Variants in HSD17B11 observed in about 807,000 individuals in gnomAD.
The protein encoded by HSD17B11 is estradiol 17-beta-dehydrogenase 11.
In HSD17B11, 22 loss-of-function variants were observed where a neutral mutation model predicts 27.8. That is an observed-to-expected ratio of 0.79 (90% CI 0.56 to 1.13). HSD17B11 has a LOEUF of 1.13. HSD17B11 is among the 50% of genes most tolerant of loss of function. The pLI is 0.00. For synonymous variants in HSD17B11, 117 were observed against 132.8 expected (o/e 0.88, Z 0.82); for missense variants, 314 against 351.1 (o/e 0.89, Z 0.84).
At chr4:87,378,603 G>A (rs1719968386) in intron 2 of HSD17B11, among the ~76,000 whole-genome samples, 1 of 150,448 alleles carries the variant, frequency 6.6e-6, no homozygotes, top group Non-Finnish European at 1.5e-5. Flanking sequence ...CTCACAGGCA[G>A]TGCAACCAGA....
Position 87,336,702 on chromosome 4 carries a change from G to A in HSD17B11, c.*574C>T, listed in dbSNP as rs1230235475. 5 of 152,844 alleles carry A rather than the reference G, an allele frequency of 3.3e-5. No individual in the cohort carries two copies. The highest frequency in any genetic ancestry group is 4.4e-5 in the Non-Finnish European group (3 of 68,316). 9.5% of individuals were successfully genotyped at this position (152,844 alleles called of 1,614,324 possible). A position where few individuals can be genotyped will look rare whatever the true frequency, so the allele number is the denominator to read the frequency against. On this transcript the variant is annotated 3_prime_UTR_variant, in exon 7 of 7. Transcript: ENST00000358290. ...AGTGATGCTTTTATACTTGCAACAC[G>A]TGTATCCACCTCTAGCTTCCCTGTG...
At chr4:87,388,672 T>C (rs1578049908) in intron 1 of HSD17B11, among the ~76,000 whole-genome samples, 1 of 152,252 alleles carries the variant, frequency 6.6e-6, no homozygotes, top group African/African-American at 2.4e-5. Context: ...CTAACAATTA[T>C]ACATTTTATT....
intron 4 of HSD17B11, among the ~76,000 whole-genome samples, chr4:87,361,553 G>C (rs949825735): frequency 6.6e-6 from 1 of 152,060 alleles, no homozygotes; most frequent in African/African-American, 2.4e-5. Context: ...GGATCACGAG[G>C]TCAGGAGATC....
rs1491588184 is a variant in HSD17B11 at position 87,370,752 on chromosome 4, A to ATT, written c.557+1955_557+1956dup. On this transcript the variant is annotated intron_variant, in intron 4 of 6. Transcript: ENST00000358290. ...TATTATTATTATTATTATTATTATT[A>ATT]TTATTTTTTTTTTTTTTTGAGACGG... Among the ~76,000 whole-genome samples the ATT allele has an allele frequency of 8.3e-4, 44 of 53,028 alleles. 3 individuals are homozygous for ATT. Among genetic ancestry groups the ATT allele is most frequent in the African/African-American group, 4.0e-3 (16 of 4,018 alleles). The allele number at this position is 53,028 out of a possible 152,430, so 34.8% of individuals were successfully genotyped here. A position where few individuals can be genotyped will look rare whatever the true frequency, so the allele number is the denominator to read the frequency against.
chr4:87,358,186 T>C (rs906987309), intron 4 of HSD17B11, among the ~76,000 whole-genome samples: 8 of 151,906 alleles, frequency 5.3e-5, no homozygotes, highest in Non-Finnish European at 1.2e-4. Flanking sequence ...TGGTCTCGAT[T>C]TCCTGACCTC....
At chr4:87,375,856 G>A (rs1735813106) in intron 2 of HSD17B11, among the ~76,000 whole-genome samples, 1 of 152,090 alleles carries the variant, frequency 6.6e-6, no homozygotes. Flanking sequence ...TTTATTTTCT[G>A]TTCTGTTGTT....
intron 5 of HSD17B11, among the ~76,000 whole-genome samples, chr4:87,344,618 TAGA>T (rs1264480134): frequency 6.6e-6 from 1 of 152,168 alleles, no homozygotes; most frequent in African/African-American, 2.4e-5. Context: ...CCAGCAGAAA[TAGA>T]AGACTTGAAT....
At position 87,361,741 on chromosome 4, in the gene HSD17B11, T is replaced by C. The variant is rs568514904; in HGVS notation, c.558-4325A>G. 2.9e-4 allele frequency among the ~76,000 whole-genome samples: 44 copies of C among 152,326 alleles called. 1 individual carries two copies. The highest frequency in any genetic ancestry group is 8.2e-4 in the African/African-American group (34 of 41,576). ...GAGATCGCGCCGCTGCACTCCATCA[T>C]GGGCAACAGAGCGAGACTCTGTCTC... On this transcript the variant is annotated intron_variant, in intron 4 of 6. Coordinates refer to ENST00000358290, the MANE Select transcript of HSD17B11 (RefSeq NM_016245.5).
chr4:87,354,633 T>A (rs1735346528), intron 5 of HSD17B11, among the ~76,000 whole-genome samples: 1 of 144,834 alleles, frequency 6.9e-6, no homozygotes, highest in Admixed American at 7.1e-5. Context: ...ACAGAGCGAA[T>A]CCTTGTCTCA....
intron 5 of HSD17B11, 49 bp from the exon 6 acceptor site, chr4:87,340,655 A>G (rs1184649377): frequency 7.7e-7 from 1 of 1,293,670 alleles, no homozygotes; most frequent in Non-Finnish European, 1.1e-6. Flanking sequence ...CCGAGGCTTC[A>G]GCTTTAGTTT....
chr4:87,337,512 T>C (rs1276423047), intron 6 of HSD17B11, 146 bp from the exon 7 acceptor site: 6 of 572,958 alleles, frequency 1.0e-5, no homozygotes, highest in Admixed American at 7.2e-5. Flanking sequence ...GTCACTACTA[T>C]ATATTCTTTC....
At chr4:87,354,218 G>A (rs1042180422) in intron 5 of HSD17B11, among the ~76,000 whole-genome samples, 5 of 152,046 alleles carry the variant, frequency 3.3e-5, no homozygotes, top group Non-Finnish European at 7.3e-5. Context: ...AATTAAGTGT[G>A]TTTAAAATAG....
At position 87,372,744 on chromosome 4, in the gene HSD17B11, A is replaced by T; in HGVS notation, c.522T>A (p.Ala174=). The part of the protein sequence containing the change: ...HGHIVTVASA[A]GHVSVPFLLA... ...GTAAGAAGGGGACCGAGACATGTCC[A>T]GCTGCCGAAGCCACAGTGACAATAT... The change falls in exon 4 of 7, where the codon GCT becomes GCA. Residue 174 remains alanine (A), a synonymous_variant. Coordinates refer to ENST00000358290, the MANE Select transcript of HSD17B11 (RefSeq NM_016245.5). 6.2e-7 allele frequency: 1 copy of T among 1,613,782 alleles called. No homozygotes were observed. Among genetic ancestry groups the T allele is most frequent in the South Asian group, 1.1e-5 (1 of 91,076 alleles).
rs756831968 is a variant in HSD17B11 at position 87,337,322 on chromosome 4, CT to C, written c.856del (p.Ser286ValfsTer12). ...TCCAATAACTGCATCAAACTTAACA[CT>C]GATTTTTCGTTTTAAAACTGCCAGG... ...RFLAVLKRKI[S>X]VKFDAVIGYK... On this transcript the variant is annotated frameshift_variant, in exon 7 of 7. Transcript: ENST00000358290. LOFTEE classifies it high-confidence loss of function. 10 of 1,606,752 alleles carry C rather than the reference CT, an allele frequency of 6.2e-6. No homozygotes were observed. The East Asian group carries it at 2.0e-4, about 32-fold the overall frequency.
chr4:87,386,010 T>C (rs192617024), intron 1 of HSD17B11: 14 of 152,278 alleles, frequency 9.2e-5, no homozygotes, highest in Admixed American at 9.2e-4. Context: ...TAAAAATTTA[T>C]GTCCCATTTA....
At chr4:87,340,633 CA>C in intron 5 of HSD17B11, 27 bp from the exon 6 acceptor site, 1 of 1,445,594 alleles carries the variant, frequency 6.9e-7, no homozygotes. Context: ...TCTTCAGAAA[CA>C]AAATACTTCA....
chr4:87,380,244 G>T (rs1355802131), intron 2 of HSD17B11, among the ~76,000 whole-genome samples: 1 of 151,438 alleles, frequency 6.6e-6, no homozygotes, highest in Non-Finnish European at 1.5e-5. Flanking sequence ...GGAGGCCAAG[G>T]CAGGCGGATC....
intron 5 of HSD17B11, among the ~76,000 whole-genome samples, chr4:87,343,387 C>T (rs1578033394): frequency 6.6e-6 from 1 of 151,848 alleles, no homozygotes; most frequent in East Asian, 1.9e-4. Context: ...AGAAACTATC[C>T]AAAAACACTT....
At chr4:87,370,749 A>ATTTTTTT (rs1401448001) in intron 4 of HSD17B11, among the ~76,000 whole-genome samples, 1 of 6,490 alleles carries the variant, frequency 1.5e-4, no homozygotes, top group South Asian at 2.6e-3. Flanking sequence ...TATTATTATT[A>ATTTTTTT]TTATTATTTT....
Sources: allele counts gnomAD v4.1 joint callset (sites outside exome capture counted in the v4.1 genomes callset), GRCh38; gene constraint gnomAD v4.1.1; transcripts MANE v1.5; gene names NCBI Gene and HGNC (gene_info 2026-07-23, HGNC 2026-07-21).